Variants in IQCM observed in about 807,000 individuals in gnomAD.
IQCM encodes IQ motif containing M.
IQCM carries 45 observed loss-of-function variants against 57.6 expected under a neutral mutation model. The observed-to-expected ratio is 0.78, with a 90% CI of 0.62 to 1.00. IQCM has a LOEUF of 1.00. IQCM is among the 50% of genes least tolerant of loss of function. The probability of loss-of-function intolerance (pLI) is 0.00; values close to 1 mark genes in which losing one functional copy is unlikely to be tolerated. For missense variants in IQCM, 468 were observed against 511.6 expected (o/e 0.91, Z 0.82); for synonymous variants, 148 against 158.9 (o/e 0.93, Z 0.51).
intron 5 of IQCM, among the ~76,000 whole-genome samples, chr4:149,725,716 C>G (rs531772385): frequency 6.6e-6 from 1 of 152,178 alleles, no homozygotes; most frequent in East Asian, 1.9e-4. Flanking sequence ...AAGGATTACT[C>G]ACATATTCTA....
intron 12 of IQCM, among the ~76,000 whole-genome samples, chr4:149,538,543 T>C (rs1747532096): frequency 6.6e-6 from 1 of 151,908 alleles, no homozygotes; most frequent in Admixed American, 6.6e-5. Flanking sequence ...AGCATATCAA[T>C]TATTGTACCA....
chr4:149,683,870 A>G (rs549254367), intron 6 of IQCM, among the ~76,000 whole-genome samples: 1 of 151,412 alleles, frequency 6.6e-6, no homozygotes, highest in African/African-American at 2.4e-5. Flanking sequence ...GAGGGATTCT[A>G]TCATTATTTT....
chr4:149,583,164 A>G (rs2149990379), intron 9 of IQCM, among the ~76,000 whole-genome samples: 1 of 151,738 alleles, frequency 6.6e-6, no homozygotes, highest in Non-Finnish European at 1.5e-5. Context: ...CAAAATAGGA[A>G]GAAGGAAGAA....
chr4:149,433,441 A>T lies in IQCM; in HGVS notation c.1345T>A (p.Trp449Arg). 3.3e-6 allele frequency: 4 copies of T among 1,226,832 alleles called. No homozygotes were observed. Among genetic ancestry groups the T allele is most frequent in the Non-Finnish European group, 4.1e-6 (4 of 983,474 alleles). 76.0% of individuals were successfully genotyped at this position (1,226,832 alleles called of 1,614,324 possible). The change falls in exon 13 of 14, where the codon TGG becomes AGG. Residue 449 changes from tryptophan to arginine, a missense_variant. By Grantham distance (101) the Trp-to-Arg change is moderately radical (BLOSUM62 -3). Coordinates refer to ENST00000636793, the MANE Select transcript of IQCM (RefSeq NM_001363507.2). The part of the protein sequence containing the change: ...VPDSTLLKST[W>R]LRPIVNGEEG... ...TCCCCATTTACTATGGGTCTCAACC[A>T]AGTCGACTTGAGTAGTGTACTGTCA... is the stretch of plus-strand genomic sequence containing the variant.
At chr4:149,810,455 T>C (rs1774466590) in intron 2 of IQCM, among the ~76,000 whole-genome samples, 1 of 150,978 alleles carries the variant, frequency 6.6e-6, no homozygotes, top group Non-Finnish European at 1.5e-5. Flanking sequence ...AAACATATAA[T>C]TTTTTTTTCT....
chr4:149,697,179 C>G (rs1186618271), intron 5 of IQCM, among the ~76,000 whole-genome samples: 1 of 152,148 alleles, frequency 6.6e-6, no homozygotes, highest in Non-Finnish European at 1.5e-5. Flanking sequence ...ATCTCTCTCT[C>G]AGCTGATTTC....
chr4:149,540,723 T>G (rs1290318707), intron 12 of IQCM, among the ~76,000 whole-genome samples: 2 of 152,084 alleles, frequency 1.3e-5, no homozygotes, highest in Non-Finnish European at 2.9e-5. Context: ...CCAAACACAT[T>G]TAACCAAATG....
At chr4:149,686,841 G>A (rs1762577031) in intron 5 of IQCM, among the ~76,000 whole-genome samples, 1 of 151,366 alleles carries the variant, frequency 6.6e-6, no homozygotes, top group Non-Finnish European at 1.5e-5. Context: ...TACAGAAGGG[G>A]CTGCTATTTT....
chr4:149,542,737 T>C (rs558050271), intron 12 of IQCM, among the ~76,000 whole-genome samples: 5 of 152,274 alleles, frequency 3.3e-5, no homozygotes, highest in African/African-American at 1.2e-4. Flanking sequence ...TATAGAAGTT[T>C]ATTTTCATAA....
At chr4:149,754,887 C>T (rs953076968) in intron 2 of IQCM, among the ~76,000 whole-genome samples, 9 of 152,160 alleles carry the variant, frequency 5.9e-5, no homozygotes, top group East Asian at 1.9e-4. Flanking sequence ...CATCTTCATT[C>T]GGATGTCACC....
At chr4:149,757,477 GT>G (rs1438658477) in intron 2 of IQCM, among the ~76,000 whole-genome samples, 1 of 151,826 alleles carries the variant, frequency 6.6e-6, no homozygotes, top group African/African-American at 2.4e-5. Flanking sequence ...CATAGAAAGG[GT>G]GAAAATTCCC....
chr4:149,439,217 C>T (rs975955085), intron 12 of IQCM, among the ~76,000 whole-genome samples: 7 of 151,980 alleles, frequency 4.6e-5, no homozygotes, highest in Non-Finnish European at 1.0e-4. Context: ...GTTCAATAAT[C>T]AAACTACAGT....
At position 149,754,542 on chromosome 4, in the gene IQCM, A is replaced by G. The variant is rs138431426; in HGVS notation, c.-48-11803T>C. ...GCTGTTAAATCTAATTGTCAATCTT[A>G]GTCCTCATCTTAGCCGACCTGTTAA... is the stretch of plus-strand genomic sequence containing the variant. On this transcript the variant is annotated intron_variant, in intron 2 of 13. Coordinates refer to ENST00000636793, the MANE Select transcript of IQCM (RefSeq NM_001363507.2). Among the ~76,000 whole-genome samples, 58 of 152,300 alleles carry G rather than the reference A, an allele frequency of 3.8e-4. 1 individual carries two copies. The highest frequency in any genetic ancestry group is 6.8e-3 in the Middle Eastern group (2 of 294).
At chr4:149,504,823 G>A (rs1444380423) in intron 12 of IQCM, among the ~76,000 whole-genome samples, 1 of 152,172 alleles carries the variant, frequency 6.6e-6, no homozygotes, top group Non-Finnish European at 1.5e-5. Flanking sequence ...TTAGGCAAAA[G>A]AATCGCTTGA....
rs541220970 is a variant in IQCM, at chr4:149,769,544, T to C, written c.-48-26805A>G. ...AAACCTAGAGCCCCAAAATGTACAA[T>C]GCTCTATAGCTAAAAAAAAAAAAAG... On this transcript the variant is annotated intron_variant, in intron 2 of 13. Coordinates refer to ENST00000636793, the MANE Select transcript of IQCM (RefSeq NM_001363507.2). Among the ~76,000 whole-genome samples, 3 of 150,292 alleles carry C rather than the reference T, an allele frequency of 2.0e-5. 1 individual carries two copies. Among genetic ancestry groups the C allele is most frequent in the South Asian group, 4.2e-4 (2 of 4,780 alleles).
At chr4:149,436,758 G>T (rs1194041576) in intron 12 of IQCM, among the ~76,000 whole-genome samples, 4 of 152,006 alleles carry the variant, frequency 2.6e-5, no homozygotes, top group Non-Finnish European at 5.9e-5. Flanking sequence ...AAGGGATTTA[G>T]ATGTAGCAAT....
intron 12 of IQCM, among the ~76,000 whole-genome samples, chr4:149,471,479 G>C (rs953916428): frequency 2.0e-5 from 3 of 152,070 alleles, no homozygotes; most frequent in Non-Finnish European, 4.4e-5. Context: ...ATAATTAATA[G>C]CCTAGCAACT....
intron 13 of IQCM, among the ~76,000 whole-genome samples, chr4:149,420,419 C>T (rs927223741): frequency 3.9e-5 from 6 of 151,914 alleles, no homozygotes; most frequent in African/African-American, 1.2e-4. Flanking sequence ...TAAGTAGGAG[C>T]TGAAAAATGA....
chr4:149,775,272 A>T (rs143300058), intron 2 of IQCM, among the ~76,000 whole-genome samples: 1 of 152,050 alleles, frequency 6.6e-6, no homozygotes, highest in Non-Finnish European at 1.5e-5. Context: ...CCAAAAGCAA[A>T]TGTCTCACAA....
Sources: gnomAD v4.1 joint callset for allele counts (sites outside exome capture counted in the v4.1 genomes callset) on GRCh38, gnomAD v4.1.1 for gene constraint, MANE v1.5 for transcripts, NCBI Gene and HGNC (gene_info 2026-07-23, HGNC 2026-07-21) for gene names.